DOCK4: variants seen among roughly 807,000 people sequenced by gnomAD.
DOCK4 encodes the protein dedicator of cytokinesis 4.
In DOCK4, 97 loss-of-function variants were observed where a neutral mutation model predicts 268.1. The ratio of observed to expected loss-of-function variants is 0.36; its 90% CI spans 0.31 to 0.43. The LOEUF (loss-of-function observed/expected upper bound fraction) is 0.43, where lower values mean the gene tolerates loss of function less well. Among genes scored for constraint, DOCK4 ranks in the 20% least tolerant of loss-of-function variants. DOCK4 has a pLI of 1.00. For missense variants in DOCK4, 2,145 were observed against 2,455.7 expected (o/e 0.87, Z 2.67); for synonymous variants, 954 against 887.2 (o/e 1.08, Z -1.34).
At chr7:112,029,638 G>T (rs1177172851) in intron 1 of DOCK4, among the ~76,000 whole-genome samples, 1 of 152,166 alleles carries the variant, frequency 6.6e-6, no homozygotes, top group Non-Finnish European at 1.5e-5. Flanking sequence ...TAAAATGTCA[G>T]CCAGCAGTCA....
intron 1 of DOCK4, among the ~76,000 whole-genome samples, chr7:112,047,349 T>C (rs1392907478): frequency 6.6e-6 from 1 of 152,098 alleles, no homozygotes; most frequent in East Asian, 1.9e-4. Flanking sequence ...TCTACAAAAG[T>C]GCAAATAAGC....
At chr7:111,995,437 GTGTGTGTGTGTGTGTGTGTGTA>G (rs1430785610) in intron 4 of DOCK4, among the ~76,000 whole-genome samples, 29 of 99,266 alleles carry the variant, frequency 2.9e-4, no homozygotes, top group African/African-American at 1.3e-3. Context: ...GTGTGTGTGT[GTGTGTGTGTGTGTGTGTGTGTA>G]TGTGCAGGTG....
chr7:111,995,768 T>C lies in DOCK4; in HGVS notation c.219-1537A>G, dbSNP rs553644888. ...GAAACTAAAATCTTGCCTTGATTTT[T>C]TTCCCAACAGAGTTTCATCTCCTCA... On this transcript the variant is annotated intron_variant, in intron 4 of 52. Coordinates refer to ENST00000428084, the MANE Select transcript of DOCK4 (RefSeq NM_001363540.2). Among the ~76,000 whole-genome samples the C allele has an allele frequency of 1.8e-3, 268 of 152,312 alleles. 1 individual carries two copies. The highest frequency in any genetic ancestry group is 6.1e-3 in the African/African-American group (255 of 41,558).
chr7:112,095,147 T>C (rs572249083), intron 1 of DOCK4, among the ~76,000 whole-genome samples: 2 of 152,358 alleles, frequency 1.3e-5, no homozygotes, highest in South Asian at 4.1e-4. Context: ...TTGATCAGTC[T>C]TTCAATGGTA....
chr7:111,789,604 G>A (rs887852149), intron 31 of DOCK4, among the ~76,000 whole-genome samples: 1 of 152,206 alleles, frequency 6.6e-6, no homozygotes, highest in Non-Finnish European at 1.5e-5. Context: ...TTTTTAAATA[G>A]TCTTTCATTC....
chr7:111,894,352 A>G (rs1380468842), intron 16 of DOCK4, among the ~76,000 whole-genome samples: 1 of 152,212 alleles, frequency 6.6e-6, no homozygotes, highest in Non-Finnish European at 1.5e-5. Flanking sequence ...CTGAACATCT[A>G]TCACAGGCCA....
chr7:112,182,811 G>T (rs1214361148), intron 1 of DOCK4, among the ~76,000 whole-genome samples: 1 of 152,222 alleles, frequency 6.6e-6, no homozygotes, highest in African/African-American at 2.4e-5. Flanking sequence ...CCTAAACCAC[G>T]AGACACAGAA....
rs774395085 is a variant in DOCK4 at position 111,727,740 on chromosome 7, C to G, written c.*534G>C. The G allele has an allele frequency of 6.6e-6, 1 of 152,254 alleles. No homozygotes were observed. Among genetic ancestry groups the G allele is most frequent in the Non-Finnish European group, 1.5e-5 (1 of 68,108 alleles). The allele number at this position is 152,254 out of a possible 1,614,324, so 9.4% of individuals were successfully genotyped here. On this transcript the variant is annotated 3_prime_UTR_variant, in exon 53 of 53. Coordinates refer to ENST00000428084, the MANE Select transcript of DOCK4 (RefSeq NM_001363540.2). ...TTTTGTTTCAAGAACAAAACAATTTCCAGTCCCAAGCTTTGCAACCCCTTA... is the reference window on the plus strand; with the variant it reads ...TTTTGTTTCAAGAACAAAACAATTTGCAGTCCCAAGCTTTGCAACCCCTTA...
intron 20 of DOCK4, among the ~76,000 whole-genome samples, chr7:111,871,014 A>C (rs1806384184): frequency 2.0e-5 from 3 of 152,230 alleles, no homozygotes; most frequent in Non-Finnish European, 4.4e-5. Context: ...AAATACCTTC[A>C]TTCATTTCGA....
chr7:112,169,065 G>A (rs1817851390), intron 1 of DOCK4, among the ~76,000 whole-genome samples: 1 of 152,206 alleles, frequency 6.6e-6, no homozygotes, highest in Non-Finnish European at 1.5e-5. Context: ...ATTAGATCAT[G>A]GGGGTGAATT....
At chr7:112,016,771 C>T (rs976559710) in intron 1 of DOCK4, among the ~76,000 whole-genome samples, 1 of 152,114 alleles carries the variant, frequency 6.6e-6, no homozygotes, top group South Asian at 2.1e-4. Context: ...AACGACTACT[C>T]AGTATATCAG....
intron 1 of DOCK4, among the ~76,000 whole-genome samples, chr7:112,138,176 A>G (rs1453782870): frequency 6.6e-6 from 1 of 152,178 alleles, no homozygotes; most frequent in East Asian, 1.9e-4. Flanking sequence ...CTTTTACTCT[A>G]AAGACAATGA....
intron 1 of DOCK4, among the ~76,000 whole-genome samples, chr7:112,070,704 A>T (rs1392174387): frequency 6.6e-6 from 1 of 152,164 alleles, no homozygotes; most frequent in Admixed American, 6.5e-5. Context: ...TATAAAATTA[A>T]AAATAAAAAT....
At chr7:111,771,484 A>C (rs1792170740) in intron 36 of DOCK4, among the ~76,000 whole-genome samples, 1 of 152,178 alleles carries the variant, frequency 6.6e-6, no homozygotes, top group South Asian at 2.1e-4. Flanking sequence ...GAAAGCAGCC[A>C]CTAAAGGGTG....
intron 17 of DOCK4, among the ~76,000 whole-genome samples, chr7:111,874,410 G>T (rs1011936409): frequency 6.6e-6 from 1 of 152,104 alleles, no homozygotes; most frequent in African/African-American, 2.4e-5. Flanking sequence ...GATTACAGGG[G>T]TCCAGAAAAT....
chr7:111,927,348 T>G (rs1037795478), intron 12 of DOCK4, among the ~76,000 whole-genome samples: 5 of 152,228 alleles, frequency 3.3e-5, no homozygotes, highest in African/African-American at 1.2e-4. Flanking sequence ...GAACATAAGA[T>G]TGAAGCAATA....
chr7:112,044,148 T>C (rs1338127842), intron 1 of DOCK4, among the ~76,000 whole-genome samples: 1 of 152,206 alleles, frequency 6.6e-6, no homozygotes, highest in Non-Finnish European at 1.5e-5. Context: ...ACAGTAGGTA[T>C]GTGGGAGAAT....
chr7:112,162,034 T>C (rs1388546179), intron 1 of DOCK4, among the ~76,000 whole-genome samples: 1 of 152,228 alleles, frequency 6.6e-6, no homozygotes, highest in East Asian at 1.9e-4. Context: ...AGTTTCCCTT[T>C]GTATGACAGT....
At chr7:111,757,889 G>T (rs1367291539) in intron 41 of DOCK4, among the ~76,000 whole-genome samples, 1 of 139,524 alleles carries the variant, frequency 7.2e-6, no homozygotes, top group Non-Finnish European at 1.5e-5. Context: ...AATACTAACT[G>T]GGGGGGGTGT....
Sources: gnomAD v4.1 joint callset for allele counts (sites outside exome capture counted in the v4.1 genomes callset) on GRCh38, gnomAD v4.1.1 for gene constraint, MANE v1.5 for transcripts, NCBI Gene and HGNC (gene_info 2026-07-23, HGNC 2026-07-21) for gene names.